SAMD12: variants seen among roughly 807,000 people sequenced by gnomAD.
SAMD12 encodes the protein sterile alpha motif domain-containing protein 12.
In SAMD12, 9 loss-of-function variants were observed where a neutral mutation model predicts 15.0. The observed-to-expected ratio is 0.60, with a 90% CI of 0.36 to 1.05. The LOEUF is 1.05. SAMD12 is among the 50% of genes least tolerant of loss of function. The pLI, the probability that SAMD12 is intolerant of heterozygous loss-of-function variation, is 0.01. For missense variants in SAMD12, 230 were observed against 234.2 expected, an observed-to-expected ratio of 0.98 and a Z score of 0.12; for synonymous variants, 86 against 90.1, an observed-to-expected ratio of 0.96 and a Z score of 0.25.
chr8:118,616,944 G>A (rs1563613899), intron 1 of SAMD12, among the ~76,000 whole-genome samples: 1 of 152,186 alleles, frequency 6.6e-6, no homozygotes, highest in South Asian at 2.1e-4. Flanking sequence ...AATGCCTGAT[G>A]ATCTGAGGTG....
At chr8:118,144,057 G>T in the SAMD12 span, among the ~76,000 whole-genome samples, 2 of 152,114 alleles carry the variant, frequency 1.3e-5, no homozygotes, top group Admixed American at 1.3e-4. Flanking sequence ...GGTAGCTCCA[G>T]GCATTCCTTG....
chr8:118,321,144 A>AATATATATATATAT lies in SAMD12; in HGVS notation c.433+58402_433+58415dup, dbSNP rs4053452. Among the ~76,000 whole-genome samples, 305 of 94,414 alleles carry AATATATATATATAT rather than the reference A, an allele frequency of 3.2e-3. 1 individual carries two copies. The highest frequency in any genetic ancestry group is 5.1e-3 in the East Asian group (12 of 2,344). 61.9% of individuals were successfully genotyped at this position (94,414 alleles called of 152,430 possible). A position where few individuals can be genotyped will look rare whatever the true frequency, so the allele number is the denominator to read the frequency against. On this transcript the variant is annotated intron_variant, in intron 4 of 4. Transcript: ENST00000409003. ...TATAACATATATATCATAGATAATAAATATATATATATATATATATATATA... is the reference window on the plus strand; with the variant it reads ...TATAACATATATATCATAGATAATAAATATATATATATATATATATATATATATATATATATATA...
At chr8:118,229,783 T>C (rs550310052) in intron 4 of SAMD12, among the ~76,000 whole-genome samples, 1 of 152,214 alleles carries the variant, frequency 6.6e-6, no homozygotes, top group East Asian at 1.9e-4. Context: ...AGAATTCCCC[T>C]ATAAGAAGAC....
intron 2 of SAMD12, among the ~76,000 whole-genome samples, chr8:118,502,577 A>G (rs564894398): frequency 2.6e-5 from 4 of 152,386 alleles, no homozygotes; most frequent in Non-Finnish European, 1.5e-5. Flanking sequence ...AATAGTCTCC[A>G]GTGGATACAA....
intron 3 of SAMD12, chr8:118,394,658 C>T: frequency 6.6e-6 from 1 of 152,298 alleles, no homozygotes; most frequent in East Asian, 1.9e-4. Context: ...AATATCCTGA[C>T]TTTGCCAAAA....
In SAMD12 at chr8:118,614,007, C is replaced by T. The variant is rs530004384; in HGVS notation, c.13+7797G>A. 2.0e-5 allele frequency among the ~76,000 whole-genome samples: 3 copies of T among 152,310 alleles called. No individual in the cohort carries two copies. In the East Asian group the frequency reaches 5.8e-4, roughly 29 times the overall value. ...AATACACCAAATAATACATTTTAAG[C>T]TGAGGATGCCTTGTATTTTATCAAT... On this transcript the variant is annotated intron_variant, in intron 1 of 3. Transcript: ENST00000314727.
At chr8:118,254,519 T>A (rs1277647491) in intron 4 of SAMD12, among the ~76,000 whole-genome samples, 1 of 152,076 alleles carries the variant, frequency 6.6e-6, no homozygotes, top group Non-Finnish European at 1.5e-5. Flanking sequence ...TTGGAGACAA[T>A]AATTAATAAC....
chr8:118,603,034 A>G (rs137954721), intron 1 of SAMD12, among the ~76,000 whole-genome samples: 7 of 152,142 alleles, frequency 4.6e-5, no homozygotes, highest in African/African-American at 7.2e-5. Context: ...TTAGAAATTA[A>G]AAATTACATA....
At chr8:118,490,149 T>A (rs1013803192) in intron 2 of SAMD12, among the ~76,000 whole-genome samples, 2 of 152,328 alleles carry the variant, frequency 1.3e-5, no homozygotes, top group Admixed American at 1.3e-4. Flanking sequence ...CATTATCATA[T>A]GTTAACATTT....
chr8:118,576,686 T>C (rs932186236), intron 2 of SAMD12, among the ~76,000 whole-genome samples: 2 of 152,216 alleles, frequency 1.3e-5, no homozygotes, highest in African/African-American at 2.4e-5. Flanking sequence ...CAGTCTCCCA[T>C]AGGGCTGGTT....
intron 4 of SAMD12, chr8:118,284,561 A>G: frequency 3.0e-6 from 1 of 336,008 alleles, no homozygotes; most frequent in Non-Finnish European, 5.8e-6. Flanking sequence ...TGTGAAATTC[A>G]TTAAATGCTC....
chr8:118,302,380 A>G (rs1199775957), intron 4 of SAMD12, among the ~76,000 whole-genome samples: 1 of 152,178 alleles, frequency 6.6e-6, no homozygotes, highest in Non-Finnish European at 1.5e-5. Flanking sequence ...CTCTGATTTC[A>G]AAGAGCTTAC....
intron 4 of SAMD12, among the ~76,000 whole-genome samples, chr8:118,293,819 T>C (rs1052223918): frequency 3.3e-5 from 5 of 152,222 alleles, no homozygotes; most frequent in African/African-American, 1.2e-4. Context: ...AAAACCTGAT[T>C]CCCATTGATG....
intron 2 of SAMD12, among the ~76,000 whole-genome samples, chr8:118,555,850 A>G (rs974739326): frequency 2.6e-5 from 4 of 152,222 alleles, no homozygotes; most frequent in Non-Finnish European, 5.9e-5. Context: ...CCTCTTTCCA[A>G]CTGCAATGTA....
chr8:118,282,096 C>T (rs923993418), intron 4 of SAMD12: 3 of 346,576 alleles, frequency 8.7e-6, no homozygotes, highest in Admixed American at 4.0e-5. Flanking sequence ...CTTAATTTGC[C>T]TCAGTGACAG....
chr8:118,151,984 A>T, the SAMD12 span, among the ~76,000 whole-genome samples: 21 of 152,250 alleles, frequency 1.4e-4, no homozygotes, highest in Non-Finnish European at 2.2e-4. Context: ...AAGGCATCTG[A>T]CCTACCATCT....
intron 4 of SAMD12, among the ~76,000 whole-genome samples, chr8:118,346,664 T>C (rs1012085119): frequency 2.0e-5 from 3 of 152,176 alleles, no homozygotes; most frequent in Non-Finnish European, 2.9e-5. Context: ...CTAGGAGAAC[T>C]CACAGGACTC....
intron 2 of SAMD12, among the ~76,000 whole-genome samples, chr8:118,544,404 G>A (rs1252207844): frequency 6.6e-6 from 1 of 152,118 alleles, no homozygotes; most frequent in African/African-American, 2.4e-5. Flanking sequence ...GCACATGAGA[G>A]GTGTCTCTAG....
At chr8:118,523,535 C>T (rs78236569) in intron 2 of SAMD12, among the ~76,000 whole-genome samples, 2,509 of 151,946 alleles carry the variant, frequency 0.017, 63 homozygotes, top group African/African-American at 0.051. Context: ...TTTCCTCTCT[C>T]GCACATGCCT....
Sources: allele counts gnomAD v4.1 joint callset (sites outside exome capture counted in the v4.1 genomes callset), GRCh38; gene constraint gnomAD v4.1.1; transcripts MANE v1.5; gene names NCBI Gene and HGNC (gene_info 2026-07-23, HGNC 2026-07-21).